ITSN1: variants seen among roughly 807,000 people sequenced by gnomAD.
The protein encoded by ITSN1 is intersectin 1, also known as intersectin-1.
In ITSN1, 58 loss-of-function variants were observed where a neutral mutation model predicts 239.8. The observed-to-expected ratio is 0.24, with a 90% CI of 0.20 to 0.30. ITSN1 has a LOEUF of 0.30. Ranked by LOEUF, ITSN1 falls within the 10% of genes least tolerant of loss-of-function variation. The pLI, the probability that ITSN1 is intolerant of heterozygous loss-of-function variation, is 1.00. For missense variants in ITSN1, 1,558 were observed against 2,103.3 expected, an observed-to-expected ratio of 0.74 and a Z score of 5.07; for synonymous variants, 780 against 770.8, an observed-to-expected ratio of 1.01 and a Z score of -0.20.
Position 33,721,417 on chromosome 21 carries a change from A to G in ITSN1, c.121+147A>G, listed in dbSNP as rs191747791. The G allele has an allele frequency of 1.3e-4, 75 of 589,674 alleles. No homozygotes were observed. The African/African-American group carries it at 1.4e-3, about 11-fold the overall frequency. The allele number at this position is 589,674 out of a possible 1,614,324, so 36.5% of individuals were successfully genotyped here. A position where few individuals can be genotyped will look rare whatever the true frequency, so the allele number is the denominator to read the frequency against. ...CTAACCTTGTGCCTGTCCTTTTACAATTTTTTTACACATAATGGAATCATA... is the reference window on the plus strand; with the variant it reads ...CTAACCTTGTGCCTGTCCTTTTACAGTTTTTTTACACATAATGGAATCATA... On this transcript the variant is annotated intron_variant, in intron 3 of 39. Transcript: ENST00000381318.
chr21:33,728,255 G>A (rs894919770), intron 4 of ITSN1, among the ~76,000 whole-genome samples: 5 of 142,964 alleles, frequency 3.5e-5, no homozygotes, highest in African/African-American at 1.3e-4. Context: ...ATGAGCCACC[G>A]CACCCGGCCA....
intron 33 of ITSN1, among the ~76,000 whole-genome samples, chr21:33,869,641 A>G (rs1982364452): frequency 6.6e-6 from 1 of 152,240 alleles, no homozygotes; most frequent in Non-Finnish European, 1.5e-5. Context: ...AAATGAGTGA[A>G]CAGATTTAGA....
rs1411761074 is a variant in ITSN1, at chr21:33,711,651, GTTGTGTGTGT to G, written c.-32-7145_-32-7136del. Among the ~76,000 whole-genome samples the G allele has an allele frequency of 3.7e-5, 4 of 107,678 alleles. No homozygotes were observed. In the East Asian group the frequency reaches 1.2e-3, roughly 33 times the overall value. 70.6% of individuals were successfully genotyped at this position (107,678 alleles called of 152,430 possible). ...TTTTTGGCTATGTCTTTTTCTGTGT[GTTGTGTGTGT>G]GTGTGTGTGTGTGTGTGTGTGTGTG... On this transcript the variant is annotated intron_variant, in intron 1 of 39. Transcript: ENST00000381318.
Position 33,856,739 on chromosome 21 carries a change from G to A in ITSN1, c.3665G>A (p.Cys1222Tyr). 1 of 1,613,784 alleles carries A rather than the reference G, an allele frequency of 6.2e-7. No homozygotes were observed. The highest frequency in any genetic ancestry group is 2.2e-5 in the East Asian group (1 of 44,860). ...CCCAAATGGTTGTGTTTTCCAGGGTGTTCAGACTTACATCTCTTGGATATG... is the reference window on the plus strand; with the variant it reads ...CCCAAATGGTTGTGTTTTCCAGGGTATTCAGACTTACATCTCTTGGATATG... ...TTDMDPSQQWCSDLHLLDMLT... is the reference protein window; with the variant it reads ...TTDMDPSQQWYSDLHLLDMLT... The change falls in exon 30 of 40, where the codon TGT becomes TAT. Residue 1222 changes from cysteine (C) to tyrosine (Y), a missense_variant. By Grantham distance (194) the Cys-to-Tyr change is radical. Around this residue, in one of 2 missense-constraint regions of ITSN1, gnomAD observed 576 missense variants for 893.3 expected, o/e 0.64. Transcript: ENST00000381318.
chr21:33,755,805 C>T (rs2067864886), intron 8 of ITSN1, among the ~76,000 whole-genome samples: 1 of 151,008 alleles, frequency 6.6e-6, no homozygotes, highest in South Asian at 2.1e-4. Flanking sequence ...GAGAACATGG[C>T]TCTGTCTCAG....
At chr21:33,674,007 A>G (rs2090452951) in intron 1 of ITSN1, among the ~76,000 whole-genome samples, 2 of 152,118 alleles carry the variant, frequency 1.3e-5, no homozygotes, top group African/African-American at 4.8e-5. Context: ...TTGGGCTTGG[A>G]TATTGTTATT....
intron 25 of ITSN1, among the ~76,000 whole-genome samples, chr21:33,824,805 C>T (rs949288404): frequency 6.6e-6 from 1 of 152,126 alleles, no homozygotes; most frequent in Non-Finnish European, 1.5e-5. Context: ...TTTCTTGCTG[C>T]GGTCTTGAGA....
rs559100098 is a variant in ITSN1, at chr21:33,888,684, A to C, written c.*384A>C. 9.7e-4 allele frequency: 152 copies of C among 157,100 alleles called. No individual in the cohort carries two copies. Among genetic ancestry groups the C allele is most frequent in the African/African-American group, 3.6e-3 (150 of 41,704 alleles). 9.7% of individuals were successfully genotyped at this position (157,100 alleles called of 1,614,324 possible). A position where few individuals can be genotyped will look rare whatever the true frequency, so the allele number is the denominator to read the frequency against. ...GTCTATATTTTTGGAGAACTCATGTAACCCTCCTGTTTCTTACATCCACCA... is the reference window on the plus strand; with the variant it reads ...GTCTATATTTTTGGAGAACTCATGTCACCCTCCTGTTTCTTACATCCACCA... On this transcript the variant is annotated 3_prime_UTR_variant, in exon 40 of 40. Transcript: ENST00000381318.
intron 1 of ITSN1, among the ~76,000 whole-genome samples, chr21:33,688,147 A>G (rs2091339686): frequency 6.6e-6 from 1 of 151,162 alleles, no homozygotes; most frequent in South Asian, 2.1e-4. Context: ...CTGTTATTTC[A>G]TGTATTTCTG....
chr21:33,733,119 GA>G (rs1015547109), intron 4 of ITSN1, among the ~76,000 whole-genome samples: 3 of 151,678 alleles, frequency 2.0e-5, no homozygotes, highest in East Asian at 1.9e-4. Context: ...AACCAAGGGG[GA>G]AAAAAAACCT....
intron 29 of ITSN1, among the ~76,000 whole-genome samples, chr21:33,854,115 A>G (rs1281354925): frequency 6.6e-6 from 1 of 152,230 alleles, no homozygotes; most frequent in East Asian, 1.9e-4. Context: ...GAACCCAATG[A>G]AAGTGTGCCC....
At chr21:33,796,496 C>G (rs1027157887) in intron 17 of ITSN1, among the ~76,000 whole-genome samples, 1 of 152,082 alleles carries the variant, frequency 6.6e-6, no homozygotes, top group Admixed American at 6.5e-5. Flanking sequence ...ATTATGTTCC[C>G]GTGGCAGATT....
At chr21:33,729,056 C>T (rs747739827) in intron 4 of ITSN1, among the ~76,000 whole-genome samples, 1 of 152,216 alleles carries the variant, frequency 6.6e-6, no homozygotes, top group South Asian at 2.1e-4. Flanking sequence ...GGTGCCAACA[C>T]TGCAGGGAAT....
chr21:33,866,983 G>A (rs183892208), intron 32 of ITSN1, among the ~76,000 whole-genome samples: 3 of 142,654 alleles, frequency 2.1e-5, no homozygotes, highest in Non-Finnish European at 4.7e-5. Flanking sequence ...TGCCATGGAG[G>A]GTATGCTGAA....
intron 1 of ITSN1, among the ~76,000 whole-genome samples, chr21:33,687,103 G>A (rs2091278819): frequency 6.6e-6 from 1 of 152,066 alleles, no homozygotes; most frequent in African/African-American, 2.4e-5. Flanking sequence ...GGCCAAGGTG[G>A]GCAGATTACC....
intron 2 of ITSN1, among the ~76,000 whole-genome samples, chr21:33,720,794 T>A (rs2065438571): frequency 6.6e-6 from 1 of 152,196 alleles, no homozygotes; most frequent in African/African-American, 2.4e-5. Flanking sequence ...CTTTCATAAC[T>A]TTTGCCTGTG....
At chr21:33,829,051 G>A (rs2074137875) in intron 26 of ITSN1, 1 of 466,280 alleles carries the variant, frequency 2.1e-6, no homozygotes, top group South Asian at 1.6e-5. Flanking sequence ...CTCTCAAAAT[G>A]TGAGCCATAA....
intron 4 of ITSN1, among the ~76,000 whole-genome samples, chr21:33,725,983 T>TTTTG (rs904159908): frequency 1.3e-5 from 2 of 152,132 alleles, no homozygotes; most frequent in African/African-American, 2.4e-5. Flanking sequence ...GCCTAGGTTT[T>TTTTG]TTTGTTTGTT....
Position 33,886,567 on chromosome 21 carries a change from C to T in ITSN1, c.5017+107C>T. 6 of 1,023,880 alleles carry T rather than the reference C, an allele frequency of 5.9e-6. No individual in the cohort carries two copies. The South Asian group carries it at 8.6e-5, about 15-fold the overall frequency. 63.4% of individuals were successfully genotyped at this position (1,023,880 alleles called of 1,614,324 possible). ...TGGTGCCAGGATTCCTTCGGTTTCC[C>T]TCCTGAGAGATGAGGCTGGCTGGCA... On this transcript the variant is annotated intron_variant, in intron 39 of 39. Transcript: ENST00000381318.
Sources: gnomAD v4.1 joint callset for allele counts (sites outside exome capture counted in the v4.1 genomes callset) on GRCh38, gnomAD v4.1.1 for gene constraint, gnomAD v4.1.1 regional missense constraint, MANE v1.5 for transcripts, NCBI Gene and HGNC (gene_info 2026-07-23, HGNC 2026-07-21) for gene names.